NUAK2: variants seen among roughly 807,000 people sequenced by gnomAD.
The protein encoded by NUAK2 is NUAK family kinase 2.
NUAK2 carries 20 observed loss-of-function variants against 29.8 expected under a neutral mutation model. That is an observed-to-expected ratio of 0.67 (90% CI 0.47 to 0.98). The LOEUF (loss-of-function observed/expected upper bound fraction) is 0.98, where lower values mean the gene tolerates loss of function less well. Among genes scored for constraint, NUAK2 ranks in the 50% least tolerant of loss-of-function variants. The pLI is 0.00. For missense variants in NUAK2, 719 were observed against 834.5 expected, an observed-to-expected ratio of 0.86 and a Z score of 1.71; for synonymous variants, 331 against 342.6, an observed-to-expected ratio of 0.97 and a Z score of 0.37.
Position 205,306,247 on chromosome 1 carries a change from C to A in NUAK2, c.631G>T (p.Gly211Trp). 1 of 1,613,960 alleles carries A rather than the reference C, an allele frequency of 6.2e-7. No homozygotes were observed. Among genetic ancestry groups the A allele is most frequent in the Non-Finnish European group, 8.5e-7 (1 of 1,179,920 alleles). Residue 211 changes from glycine (G) to tryptophan (W), a missense_variant, in exon 5 of 7, where the codon GGG becomes TGG. Physicochemically the swap from Gly to Trp is radical, Grantham distance 184. This residue lies in a region of NUAK2 where 283 missense variants were observed against 345.6 expected (regional missense o/e 0.82). Coordinates refer to ENST00000367157, the MANE Select transcript of NUAK2 (RefSeq NM_030952.3). The part of the protein sequence containing the change: ...HQGKFLQTFC[G>W]SPLYASPEIV... Reference sequence around the variant, plus strand: ...TCTGGCGAGGCATAGAGGGGGCTCCCACAGAATGTCTGCAGGAACTTGCCT... The same window carrying A: ...TCTGGCGAGGCATAGAGGGGGCTCCAACAGAATGTCTGCAGGAACTTGCCT...
intron 1 of NUAK2, among the ~76,000 whole-genome samples, chr1:205,313,033 G>T (rs1311147108): frequency 6.6e-6 from 1 of 152,174 alleles, no homozygotes; most frequent in Non-Finnish European, 1.5e-5. Context: ...GGGACAGAAA[G>T]TATTAACAGA....
In NUAK2 at chr1:205,321,745, C is replaced by A. The variant is rs112170086; in HGVS notation, c.-117G>T. On this transcript the variant is annotated 5_prime_UTR_variant, in exon 1 of 7. Transcript: ENST00000367157. ...GGAGCCACAGCAGTACCAGAGCGCG[C>A]AGTAAAGCACAGCATTCCAAGTTGT... is the stretch of plus-strand genomic sequence containing the variant. The A allele has an allele frequency of 3.9e-6, 3 of 770,770 alleles. No homozygotes were observed. The highest frequency in any genetic ancestry group is 6.2e-6 in the Non-Finnish European group (3 of 482,836). The allele number at this position is 770,770 out of a possible 1,614,324, so 47.7% of individuals were successfully genotyped here.
chr1:205,306,360 C>A, intron 4 of NUAK2, 53 bp from the exon 5 acceptor site: 1 of 1,564,400 alleles, frequency 6.4e-7, no homozygotes, highest in Non-Finnish European at 8.6e-7. Flanking sequence ...CTGGGTTTTT[C>A]TGCAGCTCTT....
chr1:205,311,920 G>T, intron 1 of NUAK2, 95 bp from the exon 2 acceptor site: 2 of 1,522,404 alleles, frequency 1.3e-6, no homozygotes, highest in Non-Finnish European at 1.8e-6. Flanking sequence ...TGCTATAAAG[G>T]CCACAGAGTA....
At position 205,319,646 on chromosome 1, in the gene NUAK2, G is replaced by C. The variant is rs562140973; in HGVS notation, c.231+1752C>G. Among the ~76,000 whole-genome samples, 212 of 152,212 alleles carry C rather than the reference G, an allele frequency of 1.4e-3. 1 individual carries two copies. The highest frequency in any genetic ancestry group is 4.8e-3 in the African/African-American group (201 of 41,502). The stretch of plus-strand genomic sequence containing the variant: ...ACAGCCTCAAGCCTGGAGCCTCACC[G>C]GGCCCTCACACTTTGCAGAAAGAGA... On this transcript the variant is annotated intron_variant, in intron 1 of 6. Transcript: ENST00000367157.
In NUAK2 at chr1:205,304,120, A is replaced by G. The variant is rs769483608; in HGVS notation, c.1217T>C (p.Leu406Pro). The G allele has an allele frequency of 7.4e-6, 12 of 1,614,034 alleles. No individual in the cohort carries two copies. The highest frequency in any genetic ancestry group is 8.5e-6 in the Non-Finnish European group (10 of 1,180,022). ...AHRPGKSNLKLPKGILKKKVS... is the reference protein window; with the variant it reads ...AHRPGKSNLKPPKGILKKKVS... ...CTTCTTCTTGAGAATGCCCTTTGGC[A>G]GCTTGAGGTTGCTCTTGCCAGGGCG... The change falls in exon 7 of 7, where the codon CTG becomes CCG. Residue 406 changes from leucine to proline, a missense_variant. By Grantham distance (98) the Leu-to-Pro change is moderately conservative. Coordinates refer to ENST00000367157, the MANE Select transcript of NUAK2 (RefSeq NM_030952.3). This position sits in a 1 kb window ranked among gnomAD's most constrained non-coding sequence, Gnocchi z 6.5.
At chr1:205,318,908 G>C (rs997167212) in intron 1 of NUAK2, among the ~76,000 whole-genome samples, 5 of 152,200 alleles carry the variant, frequency 3.3e-5, no homozygotes, top group Admixed American at 6.5e-5. Flanking sequence ...GGTTGGGAGC[G>C]GGAAGTGTGC....
chr1:205,302,265 T>C lies in NUAK2; in HGVS notation c.*1185A>G, dbSNP rs1415699160. ...TCCCAGAACATAGCATTCACATTAT[T>C]GAAAACAGCAAGATTCACTTTTCCT... On this transcript the variant is annotated 3_prime_UTR_variant, in exon 7 of 7. Transcript: ENST00000367157. 6.6e-6 allele frequency: 1 copy of C among 152,626 alleles called. No individual in the cohort carries two copies. The highest frequency in any genetic ancestry group is 1.9e-4 in the East Asian group (1 of 5,200). 9.5% of individuals were successfully genotyped at this position (152,626 alleles called of 1,614,324 possible). A position where few individuals can be genotyped will look rare whatever the true frequency, so the allele number is the denominator to read the frequency against.
At chr1:205,309,287 G>A (rs1327382515) in intron 2 of NUAK2, among the ~76,000 whole-genome samples, 1 of 152,072 alleles carries the variant, frequency 6.6e-6, no homozygotes, top group Non-Finnish European at 1.5e-5. Context: ...GCTGGTATAG[G>A]TCTGACATAT....
At chr1:205,310,192 G>A (rs962153727) in intron 2 of NUAK2, among the ~76,000 whole-genome samples, 2 of 152,222 alleles carry the variant, frequency 1.3e-5, no homozygotes, top group South Asian at 4.1e-4. Flanking sequence ...TTTTGTCCAG[G>A]GGGACAGGAA....
chr1:205,308,105 G>A lies in NUAK2; in HGVS notation c.570+60C>T, dbSNP rs2102647289. 6 of 1,133,576 alleles carry A rather than the reference G, an allele frequency of 5.3e-6. No individual in the cohort carries two copies. Among genetic ancestry groups the A allele is most frequent in the Middle Eastern group, 2.0e-4 (1 of 4,894 alleles). The allele number at this position is 1,133,576 out of a possible 1,614,324, so 70.2% of individuals were successfully genotyped here. ...AAGAGCTTAGAGCTACTTGGCTGGG[G>A]ACAGTGCAGAAAAGCTGGGGTGGGC... On this transcript the variant is annotated intron_variant, in intron 4 of 6. Transcript: ENST00000367157. This position sits in a 1 kb window ranked among gnomAD's most constrained non-coding sequence, Gnocchi z 4.1.
At chr1:205,320,425 C>T (rs1044379339) in intron 1 of NUAK2, among the ~76,000 whole-genome samples, 20 of 152,108 alleles carry the variant, frequency 1.3e-4, no homozygotes, top group Non-Finnish European at 2.8e-4. Flanking sequence ...CCACCACGCC[C>T]GGCTAATTTT....
chr1:205,321,568 G>T lies in NUAK2; in HGVS notation c.61C>A (p.Arg21=), dbSNP rs201903292. Residue 21 remains arginine (R), a synonymous_variant, in exon 1 of 7, where the codon CGG becomes AGG. Transcript: ENST00000367157. ...GPTPSAAELA[R]PLAEGLIKSP... is the part of the protein sequence containing the mutation. ...TTGATCAGCCCTTCCGCCAGCGGCC[G>T]GGCTAGCTCTGCGGCCGAGGGAGTG... The T allele has an allele frequency of 1.1e-4, 178 of 1,613,450 alleles. No homozygotes were observed. Among genetic ancestry groups the T allele is most frequent in the African/African-American group, 2.7e-5 (2 of 74,926 alleles).
Position 205,303,392 on chromosome 1 carries a change from C to T in NUAK2, c.*58G>A, listed in dbSNP as rs12080581. 3,711 of 1,449,444 alleles carry T rather than the reference C, an allele frequency of 2.6e-3. 88 individuals carry two copies. The African/African-American group carries it at 0.047, about 18-fold the overall frequency. The allele number at this position is 1,449,444 out of a possible 1,614,324, so 89.8% of individuals were successfully genotyped here. On this transcript the variant is annotated 3_prime_UTR_variant, in exon 7 of 7. Transcript: ENST00000367157. ...AGGTGGGGGAGAAGGCATCTCCCCT[C>T]GGGGTGCAACCAGCTGCATCTGAGA...
rs112170086 is a variant in NUAK2, at chr1:205,321,745, C to T, written c.-117G>A. 520 of 770,770 alleles carry T rather than the reference C, an allele frequency of 6.7e-4. 2 individuals carry two copies. The African/African-American group carries it at 6.9e-3, about 10-fold the overall frequency. The allele number at this position is 770,770 out of a possible 1,614,324, so 47.7% of individuals were successfully genotyped here. Reference sequence around the variant, plus strand: ...GGAGCCACAGCAGTACCAGAGCGCGCAGTAAAGCACAGCATTCCAAGTTGT... The same window carrying T: ...GGAGCCACAGCAGTACCAGAGCGCGTAGTAAAGCACAGCATTCCAAGTTGT... On this transcript the variant is annotated 5_prime_UTR_variant, in exon 1 of 7. Transcript: ENST00000367157.
At chr1:205,311,386 AC>A (rs1343694579) in intron 2 of NUAK2, among the ~76,000 whole-genome samples, 2 of 152,218 alleles carry the variant, frequency 1.3e-5, no homozygotes, top group African/African-American at 4.8e-5. Context: ...AATTATAACA[AC>A]AAAAAAACCT....
intron 2 of NUAK2, among the ~76,000 whole-genome samples, chr1:205,310,357 T>C (rs553029922): frequency 6.6e-6 from 1 of 152,298 alleles, no homozygotes; most frequent in African/African-American, 2.4e-5. Context: ...GGAGAACAGC[T>C]AGGTTAGATG....
At chr1:205,305,855 G>C (rs1391123884) in intron 5 of NUAK2, among the ~76,000 whole-genome samples, 3 of 151,782 alleles carry the variant, frequency 2.0e-5, no homozygotes, top group Non-Finnish European at 3.0e-5. Flanking sequence ...GGGATTACAG[G>C]TGGGTGCCAC....
chr1:205,304,467 G>A lies in NUAK2; in HGVS notation c.870C>T (p.Arg290=). Residue 290 remains arginine, a synonymous_variant, in exon 7 of 7, where the codon CGC becomes CGT. Transcript: ENST00000367157. The surrounding 1 kb of genome is among the most constrained non-coding windows in gnomAD (Gnocchi z 6.5). The stretch of plus-strand genomic sequence containing the variant: ...TGGCCACATCCTCCAGGGTGGCCCG[G>A]CGGGTGGGGTTCACCATCAACAGCC... ...IRWLLMVNPT[R]RATLEDVASH... 6.5e-7 allele frequency: 1 copy of A among 1,528,554 alleles called. No individual in the cohort carries two copies. Among genetic ancestry groups the A allele is most frequent in the Non-Finnish European group, 8.8e-7 (1 of 1,138,170 alleles). The allele number at this position is 1,528,554 out of a possible 1,614,324, so 94.7% of individuals were successfully genotyped here. A position where few individuals can be genotyped will look rare whatever the true frequency, so the allele number is the denominator to read the frequency against.
Sources: gnomAD v4.1 joint callset for allele counts (sites outside exome capture counted in the v4.1 genomes callset) on GRCh38, gnomAD v4.1.1 for gene constraint, gnomAD v4.1.1 regional missense constraint, Gnocchi (gnomAD v3.1) non-coding constraint, MANE v1.5 for transcripts, NCBI Gene and HGNC (gene_info 2026-07-23, HGNC 2026-07-21) for gene names.